The following PCDH15 variants were observed in gnomAD, a reference collection of about 807,000 sequenced individuals.
PCDH15 encodes protocadherin related 15, also known as protocadherin-15.
A neutral mutation model predicts 178.5 loss-of-function variants in PCDH15; 129 were observed. The ratio of observed to expected loss-of-function variants is 0.72; its 90% CI spans 0.63 to 0.84. The LOEUF is 0.84. Among genes scored for constraint, PCDH15 ranks in the 40% least tolerant of loss-of-function variants. PCDH15 has a pLI of 0.00. For synonymous variants in PCDH15, 800 were observed against 732.0 expected, an observed-to-expected ratio of 1.09 and a Z score of -1.50; for missense variants, 2,230 against 2,099.9, an observed-to-expected ratio of 1.06 and a Z score of -1.21.
At chr10:54,285,169 C>T (rs566103727) in intron 8 of PCDH15, among the ~76,000 whole-genome samples, 125 of 152,002 alleles carry the variant, frequency 8.2e-4, no homozygotes, top group Non-Finnish European at 1.2e-3. Flanking sequence ...CCATATAATA[C>T]TTCATGACAT....
At chr10:54,582,066 A>G (rs1466009393) in intron 2 of PCDH15, among the ~76,000 whole-genome samples, 2 of 152,146 alleles carry the variant, frequency 1.3e-5, no homozygotes, top group East Asian at 3.8e-4. Flanking sequence ...GCAAAAATTG[A>G]CAATTGGGAC....
intron 3 of PCDH15, among the ~76,000 whole-genome samples, chr10:54,853,344 T>TATAA (rs1554806831): frequency 8.1e-6 from 1 of 123,420 alleles, no homozygotes; most frequent in African/African-American, 3.3e-5. Flanking sequence ...TACATATATA[T>TATAA]ACATATATAT....
chr10:54,729,606 GTAAA>G (rs1943064946), intron 1 of PCDH15, among the ~76,000 whole-genome samples: 2 of 151,554 alleles, frequency 1.3e-5, no homozygotes, highest in African/African-American at 4.8e-5. Context: ...TATCAACAGT[GTAAA>G]TAGAGAACCT....
At chr10:54,296,148 A>AAAAC in intron 8 of PCDH15, among the ~76,000 whole-genome samples, 1 of 132,934 alleles carries the variant, frequency 7.5e-6, no homozygotes, top group African/African-American at 3.6e-5. Flanking sequence ...CCGTCTCAAA[A>AAAAC]AAAAAAAAAA....
chr10:54,222,046 C>T (rs962935633), intron 9 of PCDH15, among the ~76,000 whole-genome samples: 1 of 152,198 alleles, frequency 6.6e-6, no homozygotes, highest in Non-Finnish European at 1.5e-5. Flanking sequence ...TGCTACAACT[C>T]ATTTATCTAT....
chr10:54,163,386 A>C (rs1472739048), intron 13 of PCDH15, among the ~76,000 whole-genome samples: 1 of 150,972 alleles, frequency 6.6e-6, no homozygotes, highest in Non-Finnish European at 1.5e-5. Context: ...AGAAGGAAGC[A>C]CCTTGTTCAC....
intron 1 of PCDH15, among the ~76,000 whole-genome samples, chr10:54,762,527 T>A (rs1315273924): frequency 1.3e-5 from 2 of 152,118 alleles, no homozygotes; most frequent in African/African-American, 4.8e-5. Flanking sequence ...ATACCTTCAA[T>A]CTCTCAAATC....
intron 2 of PCDH15, among the ~76,000 whole-genome samples, chr10:54,594,036 T>G (rs2092054312): frequency 1.3e-5 from 2 of 151,976 alleles, no homozygotes; most frequent in African/African-American, 4.8e-5. Context: ...AAGCTGGGAA[T>G]GCTGCATGTG....
At chr10:55,533,335 A>G (rs1034189816) in intron 2 of PCDH15, among the ~76,000 whole-genome samples, 2 of 152,068 alleles carry the variant, frequency 1.3e-5, no homozygotes, top group Non-Finnish European at 2.9e-5. Context: ...AAAACTCTAA[A>G]GACTTCACCA....
intron 1 of PCDH15, among the ~76,000 whole-genome samples, chr10:55,186,254 A>C (rs1029947153): frequency 2.0e-5 from 3 of 151,608 alleles, no homozygotes; most frequent in Non-Finnish European, 4.4e-5. Flanking sequence ...CTAATTATTA[A>C]TTATTCCACT....
At chr10:55,002,835 CT>C (rs1218529569) in intron 2 of PCDH15, among the ~76,000 whole-genome samples, 1 of 152,172 alleles carries the variant, frequency 6.6e-6, no homozygotes, top group African/African-American at 2.4e-5. Context: ...CAAAAGTACA[CT>C]GATGCAAGCC....
At chr10:54,236,365 A>G (rs1202941959) in intron 9 of PCDH15, among the ~76,000 whole-genome samples, 1 of 152,030 alleles carries the variant, frequency 6.6e-6, no homozygotes, top group Non-Finnish European at 1.5e-5. Context: ...CCTTGGGCTA[A>G]TCGTGCTCTC....
At chr10:54,716,320 G>A (rs2132429275) in intron 1 of PCDH15, among the ~76,000 whole-genome samples, 1 of 152,230 alleles carries the variant, frequency 6.6e-6, no homozygotes, top group East Asian at 1.9e-4. Context: ...ATACCCATAA[G>A]TGACACCTAC....
At chr10:55,456,044 T>G (rs2132086695) in intron 2 of PCDH15, among the ~76,000 whole-genome samples, 1 of 152,238 alleles carries the variant, frequency 6.6e-6, no homozygotes, top group South Asian at 2.1e-4. Flanking sequence ...TCATGGCTGT[T>G]AAGGTGGGCG....
chr10:54,389,378 C>T (rs539492925), intron 3 of PCDH15, among the ~76,000 whole-genome samples: 69 of 152,166 alleles, frequency 4.5e-4, no homozygotes, highest in African/African-American at 1.6e-3. Flanking sequence ...TTTTAATGTG[C>T]CCATGAATCA....
intron 1 of PCDH15, among the ~76,000 whole-genome samples, chr10:54,780,658 G>T (rs965996227): frequency 6.7e-6 from 1 of 150,328 alleles, no homozygotes; most frequent in African/African-American, 2.5e-5. Context: ...AAAGAGTAGG[G>T]CTCCACACAT....
intron 23 of PCDH15, among the ~76,000 whole-genome samples, chr10:53,955,105 A>G (rs1412928970): frequency 1.3e-5 from 2 of 152,180 alleles, no homozygotes; most frequent in Non-Finnish European, 2.9e-5. Flanking sequence ...GTAGACCCGT[A>G]CCTGGATTCT....
intron 20 of PCDH15, among the ~76,000 whole-genome samples, chr10:53,998,833 C>T (rs2091978828): frequency 6.6e-6 from 1 of 151,838 alleles, no homozygotes; most frequent in Non-Finnish European, 1.5e-5. Flanking sequence ...GGGCGGATCA[C>T]CCAAGGTCAG....
upstream of PCDH15, among the ~76,000 whole-genome samples, chr10:54,803,298 A>G (rs958798734): frequency 6.6e-6 from 1 of 152,204 alleles, no homozygotes; most frequent in African/African-American, 2.4e-5. Context: ...ATGTATATGT[A>G]TATTTTCTTT....
Sources: allele counts gnomAD v4.1 joint callset (sites outside exome capture counted in the v4.1 genomes callset), GRCh38; gene constraint gnomAD v4.1.1; transcripts MANE v1.5; gene names NCBI Gene and HGNC (gene_info 2026-07-23, HGNC 2026-07-21).